The following SVIL variants were observed in gnomAD, a reference collection of about 807,000 sequenced individuals.
SVIL encodes the protein archvillin.
In SVIL, 101 loss-of-function variants were observed where a neutral mutation model predicts 240.4. The observed-to-expected ratio is 0.42, with a 90% CI of 0.36 to 0.50. The LOEUF (loss-of-function observed/expected upper bound fraction) is 0.50, where lower values mean the gene tolerates loss of function less well. Among genes scored for constraint, SVIL ranks in the 20% least tolerant of loss-of-function variants. The probability of loss-of-function intolerance (pLI) is 0.01; values close to 1 mark genes in which losing one functional copy is unlikely to be tolerated. For missense variants in SVIL, 2,512 were observed against 2,818.7 expected (o/e 0.89, Z 2.46); for synonymous variants, 999 against 1,100.0 (o/e 0.91, Z 1.82).
At chr10:29,514,670 C>T (rs369623662) in intron 16 of SVIL, among the ~76,000 whole-genome samples, 5 of 152,150 alleles carry the variant, frequency 3.3e-5, no homozygotes, top group Non-Finnish European at 1.5e-5. Flanking sequence ...CATGAGACAG[C>T]GCGCCTAGAC....
At chr10:29,619,310 A>T (rs745949004) in intron 1 of SVIL, among the ~76,000 whole-genome samples, 1 of 152,230 alleles carries the variant, frequency 6.6e-6, no homozygotes, top group Non-Finnish European at 1.5e-5. Flanking sequence ...TGTGAGGAAA[A>T]CCAGGGATGT....
intron 1 of SVIL, chr10:29,711,841 G>A (rs1006864744): frequency 1.3e-5 from 2 of 151,782 alleles, no homozygotes; most frequent in African/African-American, 4.8e-5. Context: ...AAAGATATTA[G>A]AGCAGCTGGG....
intron 1 of SVIL, among the ~76,000 whole-genome samples, chr10:29,611,939 C>G (rs1957260692): frequency 6.6e-6 from 1 of 152,140 alleles, no homozygotes; most frequent in Non-Finnish European, 1.5e-5. Context: ...ACTTTACGCT[C>G]CAGGAGATAC....
chr10:29,467,597 GC>G lies in SVIL; in HGVS notation c.5977+144del, dbSNP rs1473121491. The stretch of plus-strand genomic sequence containing the variant: ...CAAGCCTGCACTTTGAGAGGCTGAG[GC>G]AGGCTGATCACTTGAGCCCAGGAGG... On this transcript the variant is annotated intron_variant, in intron 33 of 37. Transcript: ENST00000355867. 3 of 1,028,350 alleles carry G rather than the reference GC, an allele frequency of 2.9e-6. No homozygotes were observed. In the African/African-American group the frequency reaches 4.8e-5, roughly 17 times the overall value. 63.7% of individuals were successfully genotyped at this position (1,028,350 alleles called of 1,614,324 possible). A position where few individuals can be genotyped will look rare whatever the true frequency, so the allele number is the denominator to read the frequency against.
chr10:29,606,918 C>T (rs11599533), intron 1 of SVIL, among the ~76,000 whole-genome samples: 1 of 152,202 alleles, frequency 6.6e-6, no homozygotes, highest in East Asian at 1.9e-4. Context: ...CCACACCCGG[C>T]TAATTTTTGT....
chr10:29,607,806 C>T (rs868089349), intron 1 of SVIL, among the ~76,000 whole-genome samples: 2 of 152,342 alleles, frequency 1.3e-5, no homozygotes, highest in Middle Eastern at 6.8e-3. Context: ...GGCTTCCCAT[C>T]CTGACTCCAA....
At chr10:29,471,335 T>A in intron 30 of SVIL, 92 bp from the exon 31 acceptor site, 1 of 992,444 alleles carries the variant, frequency 1.0e-6, no homozygotes, top group Non-Finnish European at 1.5e-6. Context: ...ATCTGAAAAA[T>A]ACCAAGACGT....
Position 29,458,216 on chromosome 10 carries a change from T to C in SVIL, c.*31A>G. 6.2e-7 allele frequency: 1 copy of C among 1,607,914 alleles called. No individual in the cohort carries two copies. Among genetic ancestry groups the C allele is most frequent in the Non-Finnish European group, 8.5e-7 (1 of 1,175,508 alleles). ...CCTGGTGCAGTGGTGTTGTTGGACG[T>C]GACCGTGAGGCTCCTCTGGCGTCTC... On this transcript the variant is annotated 3_prime_UTR_variant, in exon 38 of 38. Coordinates refer to ENST00000355867, the MANE Select transcript of SVIL (RefSeq NM_021738.3).
At chr10:29,657,899 T>C (rs530823801) in intron 3 of SVIL, 1 of 152,292 alleles carries the variant, frequency 6.6e-6, no homozygotes, top group Admixed American at 6.5e-5. Context: ...TTTAATCTCT[T>C]CTAACAGTGC....
At chr10:29,673,608 AG>A (rs1959971138) in intron 2 of SVIL, among the ~76,000 whole-genome samples, 1 of 144,800 alleles carries the variant, frequency 6.9e-6, no homozygotes, top group East Asian at 2.2e-4. Flanking sequence ...AGAGAGAGCT[AG>A]GGGGGAACTG....
intron 16 of SVIL, among the ~76,000 whole-genome samples, chr10:29,513,594 T>C (rs563019199): frequency 6.6e-6 from 1 of 152,148 alleles, no homozygotes; most frequent in Non-Finnish European, 1.5e-5. Flanking sequence ...TCTCTTAATA[T>C]CATCCCTTTC....
At chr10:29,732,383 T>C (rs1343823454) in intron 1 of SVIL, among the ~76,000 whole-genome samples, 1 of 152,180 alleles carries the variant, frequency 6.6e-6, no homozygotes, top group African/African-American at 2.4e-5. Flanking sequence ...TAAGAAATTA[T>C]ATCCATTATA....
intron 1 of SVIL, among the ~76,000 whole-genome samples, chr10:29,590,655 C>T (rs1327630324): frequency 1.3e-5 from 2 of 152,162 alleles, no homozygotes; most frequent in Non-Finnish European, 2.9e-5. Flanking sequence ...TATTTAAGCA[C>T]ATTATCAGGC....
intron 1 of SVIL, among the ~76,000 whole-genome samples, chr10:29,577,381 C>A (rs780325768): frequency 2.6e-5 from 4 of 152,272 alleles, no homozygotes; most frequent in East Asian, 3.9e-4. Flanking sequence ...ACAACTCTTA[C>A]GCCTTTGAGT....
chr10:29,691,733 A>C (rs1961523273), intron 1 of SVIL, among the ~76,000 whole-genome samples: 1 of 152,178 alleles, frequency 6.6e-6, no homozygotes, highest in Non-Finnish European at 1.5e-5. Context: ...CCAGGTTTCC[A>C]AGGACAACAA....
In SVIL at chr10:29,471,197, A is replaced by C; in HGVS notation, c.5576T>G (p.Phe1859Cys). ...GKEPPCFLQC[F>C]QGGMVVHSGR... ...CGAGTGCACCACCATCCCCCCCTGG[A>C]AACACTGCAGGAAACAGGGGGGCTC... Residue 1859 changes from phenylalanine to cysteine, a missense_variant, in exon 31 of 38, where the codon TTC (phenylalanine) becomes TGC (cysteine). Physicochemically the swap from Phe to Cys is radical, Grantham distance 205. This residue lies in a region of SVIL where 797 missense variants were observed against 925.3 expected (regional missense o/e 0.86). Coordinates refer to ENST00000355867, the MANE Select transcript of SVIL (RefSeq NM_021738.3). The C allele has an allele frequency of 1.2e-6, 2 of 1,613,864 alleles. No individual in the cohort carries two copies. Among genetic ancestry groups the C allele is most frequent in the Non-Finnish European group, 1.7e-6 (2 of 1,179,888 alleles).
rs1235548011 is a variant in SVIL at position 29,495,126 on chromosome 10, T to A, written c.3720A>T (p.Thr1240=). 1 of 1,595,550 alleles carries A rather than the reference T, an allele frequency of 6.3e-7. No homozygotes were observed. Among genetic ancestry groups the A allele is most frequent in the Non-Finnish European group, 8.5e-7 (1 of 1,169,808 alleles). The change falls in exon 19 of 38, where the codon ACA becomes ACT. Residue 1240 remains threonine (T), a synonymous_variant. Coordinates refer to ENST00000355867, the MANE Select transcript of SVIL (RefSeq NM_021738.3). ...TPVASPICGK[T]RGTTPVSKPL... is the part of the protein sequence containing the mutation. ...GTTTGGAAACGGGTGTGGTGCCTCT[T>A]GTTTTACCGCAAATGGGTGAGGCTA...
intron 1 of SVIL, among the ~76,000 whole-genome samples, chr10:29,719,067 C>T (rs1963818402): frequency 6.6e-6 from 1 of 152,136 alleles, no homozygotes; most frequent in Admixed American, 6.5e-5. Flanking sequence ...GAGATCGTGC[C>T]ACTGCACTCC....
chr10:29,615,095 C>T (rs750441310), intron 1 of SVIL, among the ~76,000 whole-genome samples: 12 of 152,124 alleles, frequency 7.9e-5, no homozygotes, highest in Non-Finnish European at 1.5e-4. Context: ...GTAGCTTCAG[C>T]GGCCACAGAG....
Sources: allele counts gnomAD v4.1 joint callset (sites outside exome capture counted in the v4.1 genomes callset), GRCh38; gene constraint gnomAD v4.1.1; regional missense constraint gnomAD v4.1.1; transcripts MANE v1.5; gene names NCBI Gene and HGNC (gene_info 2026-07-23, HGNC 2026-07-21).